Variants in ERBB4 observed in about 807,000 individuals in gnomAD.
ERBB4 encodes receptor tyrosine-protein kinase erbB-4.
ERBB4 carries 42 observed loss-of-function variants against 158.0 expected under a neutral mutation model. That is an observed-to-expected ratio of 0.27 (90% confidence interval 0.21 to 0.34). The LOEUF (loss-of-function observed/expected upper bound fraction) is 0.34, where lower values mean the gene tolerates loss of function less well. ERBB4 is among the 10% of genes least tolerant of loss of function. The pLI is 1.00. For synonymous variants in ERBB4, 583 were observed against 558.7 expected, an observed-to-expected ratio of 1.04 and a Z score of -0.61; for missense variants, 1,333 against 1,624.1, an observed-to-expected ratio of 0.82 and a Z score of 3.08.
intron 1 of ERBB4, among the ~76,000 whole-genome samples, chr2:212,355,935 T>C (rs892776116): frequency 1.3e-5 from 2 of 151,992 alleles, no homozygotes; most frequent in African/African-American, 4.8e-5. Flanking sequence ...ATGTCATTTG[T>C]AAGGGTAAAT....
At chr2:211,887,144 C>A (rs2106168947) in intron 3 of ERBB4, among the ~76,000 whole-genome samples, 1 of 152,166 alleles carries the variant, frequency 6.6e-6, no homozygotes, top group Non-Finnish European at 1.5e-5. Context: ...TCCACTCCCC[C>A]AAATCAGGCT....
At chr2:211,840,818 A>G (rs2077453622) in intron 3 of ERBB4, among the ~76,000 whole-genome samples, 1 of 152,124 alleles carries the variant, frequency 6.6e-6, no homozygotes, top group Non-Finnish European at 1.5e-5. Flanking sequence ...TAATAATAGC[A>G]ATGCATTTAT....
intron 3 of ERBB4, among the ~76,000 whole-genome samples, chr2:211,820,292 T>C (rs1427608367): frequency 6.6e-6 from 1 of 151,934 alleles, no homozygotes; most frequent in Non-Finnish European, 1.5e-5. Flanking sequence ...GTGTCTCTTC[T>C]ACTGTGAACA....
intron 22 of ERBB4, among the ~76,000 whole-genome samples, chr2:211,427,479 C>T (rs2063654924): frequency 6.6e-6 from 1 of 152,054 alleles, no homozygotes; most frequent in African/African-American, 2.4e-5. Context: ...TTAAGTTAAA[C>T]ACAATAAAAT....
chr2:212,382,179 CATACAT>C (rs1376956295), intron 1 of ERBB4, among the ~76,000 whole-genome samples: 9 of 148,536 alleles, frequency 6.1e-5, no homozygotes, highest in Admixed American at 2.0e-4. Context: ...CACATGCACA[CATACAT>C]ATAAACACAT....
intron 20 of ERBB4, among the ~76,000 whole-genome samples, chr2:211,459,881 T>C (rs1180544953): frequency 1.3e-5 from 2 of 152,076 alleles, no homozygotes; most frequent in Non-Finnish European, 2.9e-5. Context: ...ATAATGAGAA[T>C]AATAAATATA....
At chr2:212,061,505 G>T (rs1292039541) in intron 2 of ERBB4, among the ~76,000 whole-genome samples, 1 of 117,246 alleles carries the variant, frequency 8.5e-6, no homozygotes, top group African/African-American at 3.2e-5. Context: ...ACAACAATTT[G>T]TGTTTCCATT....
chr2:212,008,372 G>C (rs1342850915), intron 2 of ERBB4, among the ~76,000 whole-genome samples: 1 of 151,968 alleles, frequency 6.6e-6, no homozygotes, highest in Non-Finnish European at 1.5e-5. Context: ...AGAAACAAAT[G>C]TCAAAATGAC....
intron 3 of ERBB4, among the ~76,000 whole-genome samples, chr2:211,868,440 T>A (rs892142390): frequency 2.6e-5 from 4 of 152,360 alleles, no homozygotes; most frequent in Non-Finnish European, 5.9e-5. Context: ...GTTCTTCCTA[T>A]ATGTCTGATA....
intron 1 of ERBB4, among the ~76,000 whole-genome samples, chr2:212,235,519 G>A (rs1227267194): frequency 6.6e-6 from 1 of 152,152 alleles, no homozygotes; most frequent in Non-Finnish European, 1.5e-5. Flanking sequence ...GTCAATGGTA[G>A]CTTGATGGGG....
rs71397135 is a variant in ERBB4, at chr2:211,612,235, G to GA, written c.2301+6941dup. Among the ~76,000 whole-genome samples, 12 of 151,178 alleles carry GA rather than the reference G, an allele frequency of 7.9e-5. No individual in the cohort carries two copies. The East Asian group carries it at 2.0e-3, about 25-fold the overall frequency. On this transcript the variant is annotated intron_variant, in intron 19 of 27. Coordinates refer to ENST00000342788, the MANE Select transcript of ERBB4 (RefSeq NM_005235.3). ...GAGAATAATAAGTCTTTAAAACATG[G>GA]AAAAAAAAATCAATTCAGACAATTA...
At chr2:212,047,774 G>A (rs891070819) in intron 2 of ERBB4, among the ~76,000 whole-genome samples, 3 of 151,762 alleles carry the variant, frequency 2.0e-5, no homozygotes, top group Non-Finnish European at 4.4e-5. Flanking sequence ...ATGAGCCACC[G>A]TGCCCAGCCC....
chr2:212,507,591 A>C (rs1402661078), intron 1 of ERBB4, among the ~76,000 whole-genome samples: 1 of 152,190 alleles, frequency 6.6e-6, no homozygotes, highest in Non-Finnish European at 1.5e-5. Context: ...CCCATGGATG[A>C]CTTGGAGGAA....
intron 2 of ERBB4, among the ~76,000 whole-genome samples, chr2:212,002,860 C>T (rs879646885): frequency 6.6e-6 from 1 of 151,686 alleles, no homozygotes; most frequent in African/African-American, 2.4e-5. Flanking sequence ...GGAGTTTGAC[C>T]TCAGCCTGGC....
chr2:212,275,023 T>C (rs1420016640), intron 1 of ERBB4, among the ~76,000 whole-genome samples: 1 of 151,962 alleles, frequency 6.6e-6, no homozygotes, highest in Non-Finnish European at 1.5e-5. Flanking sequence ...ACATGCAGTG[T>C]TTGGTTTTCT....
intron 1 of ERBB4, among the ~76,000 whole-genome samples, chr2:212,155,760 C>T (rs567948859): frequency 2.0e-5 from 3 of 151,952 alleles, no homozygotes; most frequent in Non-Finnish European, 4.4e-5. Flanking sequence ...ATCTGTGTGT[C>T]ATCAATAAAT....
chr2:211,653,130 T>G (rs938502615), intron 16 of ERBB4, among the ~76,000 whole-genome samples: 3 of 152,186 alleles, frequency 2.0e-5, no homozygotes, highest in African/African-American at 7.2e-5. Context: ...ACATATTTTT[T>G]ATAGGATTCT....
chr2:211,390,900 T>C (rs2062786010), intron 25 of ERBB4, among the ~76,000 whole-genome samples: 1 of 152,232 alleles, frequency 6.6e-6, no homozygotes, highest in South Asian at 2.1e-4. Context: ...GGCTGCTTTT[T>C]TTATGTTTCT....
chr2:211,666,301 C>T (rs1039050358), intron 14 of ERBB4, among the ~76,000 whole-genome samples: 18 of 151,938 alleles, frequency 1.2e-4, no homozygotes, highest in Admixed American at 1.1e-3. Context: ...CAAACAAAGG[C>T]TTCATGAAGA....
Sources: gnomAD v4.1 joint callset for allele counts (sites outside exome capture counted in the v4.1 genomes callset) on GRCh38, gnomAD v4.1.1 for gene constraint, MANE v1.5 for transcripts, NCBI Gene and HGNC (gene_info 2026-07-23, HGNC 2026-07-21) for gene names.